Variants in INPP5A observed in about 807,000 individuals in gnomAD.
INPP5A encodes inositol polyphosphate-5-phosphatase A.
Under a neutral mutation model 65.2 loss-of-function variants are expected in INPP5A, and 14 were observed. The observed-to-expected ratio is 0.21, with a 90% CI of 0.14 to 0.34. The LOEUF is 0.34. Ranked by LOEUF, INPP5A falls within the 10% of genes least tolerant of loss-of-function variation. The pLI is 1.00. For synonymous variants in INPP5A, 207 were observed against 208.3 expected, an observed-to-expected ratio of 0.99 and a Z score of 0.05; for missense variants, 431 against 545.6, an observed-to-expected ratio of 0.79 and a Z score of 2.09.
chr10:132,588,612 G>A (rs747778695), intron 1 of INPP5A, among the ~76,000 whole-genome samples: 27 of 152,354 alleles, frequency 1.8e-4, no homozygotes, highest in Admixed American at 1.7e-3. Flanking sequence ...CCAGCACAGC[G>A]CCCACCCTGT....
chr10:132,553,531 G>A (rs368339972), intron 1 of INPP5A, among the ~76,000 whole-genome samples: 22 of 130,052 alleles, frequency 1.7e-4, no homozygotes, highest in East Asian at 5.0e-4. Flanking sequence ...AATATTGAGT[G>A]GGATAGGGAG....
At chr10:132,719,002 CGCCTT>C (rs1564981144) in intron 8 of INPP5A, among the ~76,000 whole-genome samples, 53 of 143,538 alleles carry the variant, frequency 3.7e-4, no homozygotes, top group African/African-American at 1.3e-3. Flanking sequence ...TCTGTCTGGG[CGCCTT>C]AGACGACTGT....
intron 2 of INPP5A, among the ~76,000 whole-genome samples, chr10:132,614,564 C>T (rs1028427251): frequency 6.6e-6 from 1 of 152,224 alleles, no homozygotes; most frequent in African/African-American, 2.4e-5. Flanking sequence ...CGTCCTCTCT[C>T]CTGAGAATCA....
intron 9 of INPP5A, among the ~76,000 whole-genome samples, chr10:132,748,188 C>T (rs571289260): frequency 1.3e-5 from 2 of 152,302 alleles, no homozygotes; most frequent in African/African-American, 4.8e-5. Context: ...AGTTCCCTCC[C>T]GGCCCCCGCA....
At chr10:132,680,585 C>G (rs529850914) in intron 4 of INPP5A, among the ~76,000 whole-genome samples, 1 of 152,266 alleles carries the variant, frequency 6.6e-6, no homozygotes, top group Non-Finnish European at 1.5e-5. Flanking sequence ...TTCAGCCCAC[C>G]GCTGCACTGT....
chr10:132,607,260 A>C (rs1412978321), intron 1 of INPP5A, among the ~76,000 whole-genome samples: 1 of 151,952 alleles, frequency 6.6e-6, no homozygotes, highest in African/African-American at 2.4e-5. Flanking sequence ...TCTGTCCAGG[A>C]GCTTCCTGGG....
In INPP5A at chr10:132,783,164, G is replaced by A. The variant is rs1847197671; in HGVS notation, c.*1135G>A. On this transcript the variant is annotated 3_prime_UTR_variant, in exon 16 of 16. Transcript: ENST00000368594. The stretch of plus-strand genomic sequence containing the variant: ...TATAGCAGTAAGTACAGCATTAGAA[G>A]GTGATTAGAGAGTCTGTTGATGAAA... The A allele has an allele frequency of 6.6e-6, 1 of 152,406 alleles. No homozygotes were observed. The highest frequency in any genetic ancestry group is 2.4e-5 in the African/African-American group (1 of 41,448). The allele number at this position is 152,406 out of a possible 1,614,324, so 9.4% of individuals were successfully genotyped here. A position where few individuals can be genotyped will look rare whatever the true frequency, so the allele number is the denominator to read the frequency against.
At chr10:132,635,484 C>T (rs1334070729) in intron 2 of INPP5A, among the ~76,000 whole-genome samples, 2 of 135,056 alleles carry the variant, frequency 1.5e-5, no homozygotes, top group East Asian at 5.0e-4. Context: ...CAAACTCCGC[C>T]TCCCGGGTTC....
Position 132,547,822 on chromosome 10 carries a change from G to A in INPP5A, c.75+9651G>A, listed in dbSNP as rs991495847. On this transcript the variant is annotated intron_variant, in intron 1 of 15. Coordinates refer to ENST00000368594, the MANE Select transcript of INPP5A (RefSeq NM_005539.5). The surrounding 1 kb of genome is among the most constrained non-coding windows in gnomAD (Gnocchi z 5.5). ...TCCCAAGCTCCCTTCCTGTCATACT[G>A]TGCTTTACCGTGACTGTGGCGTCAC... 6.6e-6 allele frequency among the ~76,000 whole-genome samples: 1 copy of A among 152,110 alleles called. No homozygotes were observed. The highest frequency in any genetic ancestry group is 2.4e-5 in the African/African-American group (1 of 41,410).
At chr10:132,680,513 C>G (rs1385803332) in intron 4 of INPP5A, among the ~76,000 whole-genome samples, 1 of 152,250 alleles carries the variant, frequency 6.6e-6, no homozygotes, top group African/African-American at 2.4e-5. Context: ...TCCTCACAGC[C>G]CTCGCTCGCT....
intron 4 of INPP5A, among the ~76,000 whole-genome samples, chr10:132,689,132 G>A (rs2134481142): frequency 6.6e-6 from 1 of 152,340 alleles, no homozygotes; most frequent in Non-Finnish European, 1.5e-5. Flanking sequence ...CGTTGCCCTT[G>A]TGTTGCCCAC....
chr10:132,574,754 G>A (rs943528282), intron 1 of INPP5A, among the ~76,000 whole-genome samples: 2 of 150,902 alleles, frequency 1.3e-5, no homozygotes, highest in Non-Finnish European at 3.0e-5. Flanking sequence ...GCAGTCGTGG[G>A]ATCTTGGCTC....
intron 8 of INPP5A, among the ~76,000 whole-genome samples, chr10:132,713,909 C>T (rs1227048536): frequency 1.3e-5 from 2 of 152,162 alleles, no homozygotes; most frequent in African/African-American, 2.4e-5. Context: ...GACTGATGAC[C>T]GCCTGTGCCC....
At chr10:132,680,909 G>T (rs1446254529) in intron 4 of INPP5A, among the ~76,000 whole-genome samples, 1 of 152,248 alleles carries the variant, frequency 6.6e-6, no homozygotes, top group Non-Finnish European at 1.5e-5. Context: ...CTCGGGACCT[G>T]CAGCCCGCCA....
chr10:132,688,580 AGC>A (rs1353493776), intron 4 of INPP5A, among the ~76,000 whole-genome samples: 1 of 152,238 alleles, frequency 6.6e-6, no homozygotes, highest in East Asian at 1.9e-4. Flanking sequence ...CCCAAAACAA[AGC>A]AAGAGTGCAT....
At chr10:132,631,873 A>T (rs2072279765) in intron 2 of INPP5A, among the ~76,000 whole-genome samples, 1 of 152,122 alleles carries the variant, frequency 6.6e-6, no homozygotes, top group Non-Finnish European at 1.5e-5. Flanking sequence ...TTTTTCCTTT[A>T]AGGTAGGAGC....
chr10:132,609,928 C>T (rs1422187848), intron 2 of INPP5A, among the ~76,000 whole-genome samples: 1 of 152,270 alleles, frequency 6.6e-6, no homozygotes, highest in African/African-American at 2.4e-5. Context: ...AGGCATGAGC[C>T]ACCGCACCTG....
At chr10:132,642,494 A>G (rs1006108210) in intron 2 of INPP5A, among the ~76,000 whole-genome samples, 2 of 152,214 alleles carry the variant, frequency 1.3e-5, no homozygotes, top group African/African-American at 4.8e-5. Flanking sequence ...GAAATGCTGT[A>G]AAATCTAGTT....
intron 1 of INPP5A, among the ~76,000 whole-genome samples, chr10:132,559,418 A>G (rs190026754): frequency 4.1e-4 from 62 of 152,344 alleles, no homozygotes; most frequent in African/African-American, 1.3e-3. Flanking sequence ...GCGTGTTCAC[A>G]AGGTCGTGTG....
Sources: allele counts gnomAD v4.1 joint callset (sites outside exome capture counted in the v4.1 genomes callset), GRCh38; gene constraint gnomAD v4.1.1; non-coding constraint Gnocchi (gnomAD v3.1); transcripts MANE v1.5; gene names NCBI Gene and HGNC (gene_info 2026-07-23, HGNC 2026-07-21).